ATP6AP2: variants seen among roughly 807,000 people sequenced by gnomAD.
The protein encoded by ATP6AP2 is renin receptor.
Under a neutral mutation model 23.4 loss-of-function variants are expected in ATP6AP2, and 1 was observed. The ratio of observed to expected loss-of-function variants is 0.04; its 90% confidence interval spans 0.02 to 0.20. The LOEUF is 0.20. Among genes scored for constraint, ATP6AP2 ranks in the 10% least tolerant of loss-of-function variants. ATP6AP2 has a pLI of 1.00. For missense variants in ATP6AP2, 174 were observed against 271.3 expected, an observed-to-expected ratio of 0.64 and a Z score of 2.52; for synonymous variants, 90 against 97.1, an observed-to-expected ratio of 0.93 and a Z score of 0.43.
At chrX:40,598,224 G>T in intron 5 of ATP6AP2, 1 of 166,326 alleles carries the variant, frequency 6.0e-6, no homozygotes, top group South Asian at 1.3e-4. Flanking sequence ...CTGCTCATGC[G>T]CCCTCTTAAC....
At chrX:40,601,434 A>G (rs1187281541) in intron 8 of ATP6AP2, among the ~76,000 whole-genome samples, 2 of 111,638 alleles carry the variant, frequency 1.8e-5, no homozygotes, top group African/African-American at 6.5e-5. Flanking sequence ...GCACCTCTTT[A>G]TGATTTTGAT....
intron 8 of ATP6AP2, among the ~76,000 whole-genome samples, chrX:40,603,075 A>G (rs1926980019): frequency 9.3e-6 from 1 of 107,581 alleles, no homozygotes. Context: ...CTGGAATCAC[A>G]GGCATGCACC....
At chrX:40,589,899 A>G (rs1926579123) in intron 2 of ATP6AP2, 1 of 112,205 alleles carries the variant, frequency 8.9e-6, no homozygotes, top group African/African-American at 3.2e-5. Flanking sequence ...ACTTTTCTCC[A>G]AATCCTGAGC....
chrX:40,594,918 G>A (rs1926739699), intron 3 of ATP6AP2, among the ~76,000 whole-genome samples: 1 of 111,838 alleles, frequency 8.9e-6, no homozygotes, highest in Admixed American at 9.5e-5. Flanking sequence ...GACAATTTAG[G>A]TTGTCTAAGA....
intron 7 of ATP6AP2, 56 bp downstream of exon 7, chrX:40,599,797 T>G: frequency 8.4e-7 from 1 of 1,186,773 alleles, no homozygotes; most frequent in African/African-American, 1.7e-5. Context: ...TTTTAGCCTC[T>G]TAATAGAAAA....
chrX:40,581,510 G>T (rs1051082972), intron 1 of ATP6AP2, among the ~76,000 whole-genome samples: 39 of 113,128 alleles, frequency 3.4e-4, no homozygotes, highest in African/African-American at 1.3e-3. Flanking sequence ...TTTTGCATTT[G>T]TATGGTGCCT....
intron 1 of ATP6AP2, among the ~76,000 whole-genome samples, chrX:40,587,856 A>G: frequency 8.9e-6 from 1 of 112,508 alleles, no homozygotes; most frequent in South Asian, 3.7e-4. Flanking sequence ...CTTGGGTGAC[A>G]TAGCCAGACC....
At chrX:40,588,060 G>A (rs1176419683) in intron 1 of ATP6AP2, among the ~76,000 whole-genome samples, 2 of 112,371 alleles carry the variant, frequency 1.8e-5, no homozygotes, top group African/African-American at 6.5e-5. Context: ...TTCAGTAACT[G>A]AAATTAGCTA....
chrX:40,595,172 C>T (rs945280488), intron 3 of ATP6AP2, among the ~76,000 whole-genome samples: 2 of 111,863 alleles, frequency 1.8e-5, no homozygotes, highest in Non-Finnish European at 3.8e-5. Context: ...ACAGACTAGC[C>T]TCATTTTACA....
chrX:40,593,829 A>G (rs1221217463), intron 3 of ATP6AP2, among the ~76,000 whole-genome samples: 1 of 111,307 alleles, frequency 9.0e-6, no homozygotes, highest in Admixed American at 9.6e-5. Context: ...CATTATCTTT[A>G]TCCATTCGTT....
chrX:40,589,819 TCTC>T (rs1926576938), intron 2 of ATP6AP2: 1 of 111,594 alleles, frequency 9.0e-6, no homozygotes, highest in Admixed American at 9.5e-5. Context: ...GGTGCTATCA[TCTC>T]CTTCTCTTTG....
chrX:40,588,605 A>C (rs754916067), intron 1 of ATP6AP2, among the ~76,000 whole-genome samples: 81 of 110,881 alleles, frequency 7.3e-4, no homozygotes, highest in African/African-American at 2.5e-3. Flanking sequence ...TTCCTGCCAA[A>C]TTGCCACATG....
At chrX:40,585,173 T>A (rs1331492939) in intron 1 of ATP6AP2, among the ~76,000 whole-genome samples, 2 of 112,661 alleles carry the variant, frequency 1.8e-5, no homozygotes, top group South Asian at 3.6e-4. Context: ...CTCATCCTTT[T>A]AAAAACTTTT....
intron 2 of ATP6AP2, 124 bp from the exon 3 acceptor site, chrX:40,591,110 T>C (rs1162458684): frequency 1.1e-6 from 1 of 872,103 alleles, no homozygotes; most frequent in African/African-American, 2.0e-5. Context: ...AATGTTTACT[T>C]TCCCTGTGAA....
intron 1 of ATP6AP2, among the ~76,000 whole-genome samples, chrX:40,584,300 C>G (rs1353215049): frequency 8.2e-5 from 9 of 109,998 alleles, no homozygotes; most frequent in African/African-American, 3.0e-4. Flanking sequence ...AAGTGATCCT[C>G]CTCCTCAGCC....
At position 40,581,010 on chromosome X, in the gene ATP6AP2, C is replaced by G. The variant is rs1452886254; in HGVS notation, c.-56C>G. 8.7e-7 allele frequency: 1 copy of G among 1,155,537 alleles called. No homozygotes were observed. The highest frequency in any genetic ancestry group is 1.2e-6 in the Non-Finnish European group (1 of 864,822). On this transcript the variant is annotated 5_prime_UTR_variant, in exon 1 of 9. Coordinates refer to ENST00000636580, the MANE Select transcript of ATP6AP2 (RefSeq NM_005765.3). ...ACCTCCTCACGCTGCGGCTGTCGCC[C>G]GTGTCCCGCCGGCCCGTTCCGTGTC...
chrX:40,596,662 T>C (rs753252544), intron 3 of ATP6AP2, among the ~76,000 whole-genome samples: 1 of 111,763 alleles, frequency 8.9e-6, no homozygotes, highest in South Asian at 3.7e-4. Flanking sequence ...GTAGGTCTTA[T>C]CACCATTGGT....
At position 40,605,702 on chromosome X, in the gene ATP6AP2, G is replaced by A. The variant is rs1927055064; in HGVS notation, c.1000G>A (p.Gly334Arg). Residue 334 changes from glycine (G) to arginine (R), a missense_variant, in exon 9 of 9, where the codon GGA becomes AGA. Transcript: ENST00000636580. ...TSYNIWNMDP[G>R]YDSIIYRMTN... is the part of the protein sequence containing the mutation. ...TTACAATATTTGGAACATGGATCCT[G>A]GATATGATAGCATCATTTATAGGAT... The A allele has an allele frequency of 8.3e-7, 1 of 1,207,429 alleles. No individual in the cohort carries two copies. Among genetic ancestry groups the A allele is most frequent in the Non-Finnish European group, 1.1e-6 (1 of 893,037 alleles).
chrX:40,581,041 G>A lies in ATP6AP2; in HGVS notation c.-25G>A. The stretch of plus-strand genomic sequence containing the variant: ...CCGCCGGCCCGTTCCGTGTCGCCCC[G>A]CAGTGCTGCGGCCGCCGCGGCACCA... On this transcript the variant is annotated 5_prime_UTR_variant, in exon 1 of 9. Coordinates refer to ENST00000636580, the MANE Select transcript of ATP6AP2 (RefSeq NM_005765.3). 6 of 1,164,091 alleles carry A rather than the reference G, an allele frequency of 5.2e-6. No homozygotes were observed. The highest frequency in any genetic ancestry group is 1.8e-5 in the African/African-American group (1 of 56,437).
Sources: gnomAD v4.1 joint callset for allele counts (sites outside exome capture counted in the v4.1 genomes callset) on GRCh38, gnomAD v4.1.1 for gene constraint, MANE v1.5 for transcripts, NCBI Gene and HGNC (gene_info 2026-07-23, HGNC 2026-07-21) for gene names.